KHDRBS2: variants seen among roughly 807,000 people sequenced by gnomAD.
The protein encoded by KHDRBS2 is KH RNA binding domain containing, signal transduction associated 2, also known as KH domain-containing, RNA-binding, signal transduction-associated protein 2.
In KHDRBS2, 26 loss-of-function variants were observed where a neutral mutation model predicts 44.3. The ratio of observed to expected loss-of-function variants is 0.59; its 90% CI spans 0.43 to 0.81. The LOEUF (loss-of-function observed/expected upper bound fraction) is 0.81. Among genes scored for constraint, KHDRBS2 ranks in the 40% least tolerant of loss-of-function variants. KHDRBS2 has a pLI of 0.00. For synonymous variants in KHDRBS2, 194 were observed against 151.1 expected (o/e 1.28, Z -2.08); for missense variants, 476 against 433.1 (o/e 1.10, Z -0.88).
At chr6:61,745,319 C>A (rs77478848) in intron 6 of KHDRBS2, among the ~76,000 whole-genome samples, 1 of 152,072 alleles carries the variant, frequency 6.6e-6, no homozygotes, top group Non-Finnish European at 1.5e-5. Context: ...AGGTTTCCTT[C>A]GACTCCCATT....
intron 6 of KHDRBS2, among the ~76,000 whole-genome samples, chr6:61,771,129 C>G (rs1235705983): frequency 1.3e-5 from 2 of 152,122 alleles, no homozygotes; most frequent in Admixed American, 6.5e-5. Context: ...TACAGAGAAG[C>G]AAATGCTGAG....
In KHDRBS2 at chr6:61,680,819, A is replaced by G; in HGVS notation, c.*144T>C. The G allele has an allele frequency of 1.7e-6, 1 of 583,920 alleles. No individual in the cohort carries two copies. 36.2% of individuals were successfully genotyped at this position (583,920 alleles called of 1,614,324 possible). On this transcript the variant is annotated 3_prime_UTR_variant, in exon 9 of 9. Transcript: ENST00000281156. ...AACAGTACAGAGGGAAATACTAGAA[A>G]TATATGGGAGTAATCATGAGCAGTT...
chr6:61,975,686 GAT>G (rs1562565145), intron 4 of KHDRBS2, among the ~76,000 whole-genome samples: 3 of 95,534 alleles, frequency 3.1e-5, no homozygotes, highest in African/African-American at 1.2e-4. Flanking sequence ...CACACAGAGA[GAT>G]ATAAAACATC....
At chr6:61,684,601 A>G (rs938774033) in intron 8 of KHDRBS2, among the ~76,000 whole-genome samples, 2 of 151,852 alleles carry the variant, frequency 1.3e-5, no homozygotes, top group African/African-American at 4.8e-5. Flanking sequence ...AGTGAAATTT[A>G]GAAATTTCTT....
chr6:62,004,961 C>CA (rs1778948589), intron 3 of KHDRBS2, among the ~76,000 whole-genome samples: 2 of 152,136 alleles, frequency 1.3e-5, no homozygotes, highest in South Asian at 4.1e-4. Flanking sequence ...CAAAATTCAA[C>CA]AGCTGTTCAT....
the KHDRBS2 span, among the ~76,000 whole-genome samples, chr6:61,597,371 G>A: frequency 6.6e-6 from 1 of 152,034 alleles, no homozygotes; most frequent in Non-Finnish European, 1.5e-5. Context: ...GCCCATTAAT[G>A]AATAAAGCTA....
intron 6 of KHDRBS2, among the ~76,000 whole-genome samples, chr6:61,863,259 G>GTTTTTTTTTTTT (rs61624926): frequency 3.0e-5 from 4 of 134,608 alleles, no homozygotes; most frequent in Non-Finnish European, 6.4e-5. Context: ...TTTTGAAGGG[G>GTTTTTTTTTTTT]TTTTTTTTTT....
intron 3 of KHDRBS2, among the ~76,000 whole-genome samples, chr6:62,014,474 A>C (rs369195745): frequency 6.6e-6 from 1 of 152,156 alleles, no homozygotes. Context: ...AGTAACAGGT[A>C]AGTTTCCTGA....
chr6:61,831,012 C>T (rs75827848), intron 6 of KHDRBS2, among the ~76,000 whole-genome samples: 10,172 of 151,864 alleles, frequency 0.067, 407 homozygotes, highest in Middle Eastern at 0.12. Flanking sequence ...AAAAAAAGTC[C>T]GAAAATTTGA....
intron 2 of KHDRBS2, among the ~76,000 whole-genome samples, chr6:62,129,563 A>C (rs1245313061): frequency 6.6e-6 from 1 of 152,174 alleles, no homozygotes; most frequent in Non-Finnish European, 1.5e-5. Context: ...TAAAAAGAAC[A>C]CAGTTTTAAA....
the KHDRBS2 span, among the ~76,000 whole-genome samples, chr6:61,595,880 A>G: frequency 1.3e-5 from 2 of 151,942 alleles, no homozygotes; most frequent in Admixed American, 6.6e-5. Flanking sequence ...TGACTTTAAT[A>G]TTTTAAATTA....
chr6:61,906,593 T>G (rs1320611904), intron 4 of KHDRBS2, among the ~76,000 whole-genome samples: 5 of 152,152 alleles, frequency 3.3e-5, no homozygotes, highest in Non-Finnish European at 1.5e-5. Flanking sequence ...TTCTACTCTA[T>G]CTCCATGAGT....
At chr6:61,552,525 C>G in the KHDRBS2 span, among the ~76,000 whole-genome samples, 1 of 151,984 alleles carries the variant, frequency 6.6e-6, no homozygotes, top group Non-Finnish European at 1.5e-5. Flanking sequence ...GCCAGGTTTT[C>G]CAGTACTATG....
chr6:62,008,611 C>A (rs182554568), intron 3 of KHDRBS2, among the ~76,000 whole-genome samples: 1 of 152,220 alleles, frequency 6.6e-6, no homozygotes, highest in African/African-American at 2.4e-5. Flanking sequence ...CTCTGTGTCC[C>A]CATGCACATC....
chr6:61,584,273 A>G, the KHDRBS2 span, among the ~76,000 whole-genome samples: 2 of 151,860 alleles, frequency 1.3e-5, no homozygotes, highest in Middle Eastern at 3.2e-3. Context: ...ATGAAAGTAT[A>G]CAACCTTGTT....
intron 2 of KHDRBS2, among the ~76,000 whole-genome samples, chr6:62,088,363 T>A (rs981858244): frequency 2.6e-5 from 4 of 152,192 alleles, no homozygotes; most frequent in African/African-American, 9.7e-5. Context: ...TTGCTGTTGG[T>A]GATCTTCTGA....
At chr6:62,152,611 A>C (rs1010965433) in intron 2 of KHDRBS2, among the ~76,000 whole-genome samples, 6 of 152,250 alleles carry the variant, frequency 3.9e-5, no homozygotes, top group African/African-American at 1.4e-4. Flanking sequence ...AAGTTGCAGA[A>C]GTAGAATTTG....
intron 6 of KHDRBS2, among the ~76,000 whole-genome samples, chr6:61,776,416 A>G (rs1035151257): frequency 1.3e-5 from 2 of 152,200 alleles, no homozygotes; most frequent in African/African-American, 4.8e-5. Context: ...AATATCCAGA[A>G]TCTACAATGA....
intron 2 of KHDRBS2, among the ~76,000 whole-genome samples, 198 bp downstream of exon 2, chr6:62,176,987 C>T (rs1485779469): frequency 1.3e-5 from 2 of 151,392 alleles, no homozygotes; most frequent in East Asian, 3.9e-4. Flanking sequence ...AACAAAAATG[C>T]TGTAGCCTTC....
Sources: gnomAD v4.1 joint callset for allele counts (sites outside exome capture counted in the v4.1 genomes callset) on GRCh38, gnomAD v4.1.1 for gene constraint, MANE v1.5 for transcripts, NCBI Gene and HGNC (gene_info 2026-07-23, HGNC 2026-07-21) for gene names.